Variants in SLC9B2 observed in about 807,000 individuals in gnomAD.
The protein encoded by SLC9B2 is sodium/hydrogen exchanger 9B2.
Under a neutral mutation model 52.2 loss-of-function variants are expected in SLC9B2, and 39 were observed. The observed-to-expected ratio is 0.75, with a 90% CI of 0.58 to 0.98. The LOEUF (loss-of-function observed/expected upper bound fraction) is 0.98, where lower values mean the gene tolerates loss of function less well. Among genes scored for constraint, SLC9B2 ranks in the 50% least tolerant of loss-of-function variants. The pLI, the probability that SLC9B2 is intolerant of heterozygous loss-of-function variation, is 0.00. For missense variants in SLC9B2, 626 were observed against 637.5 expected, an observed-to-expected ratio of 0.98 and a Z score of 0.19; for synonymous variants, 214 against 227.0, an observed-to-expected ratio of 0.94 and a Z score of 0.51.
intron 9 of SLC9B2, among the ~76,000 whole-genome samples, chr4:103,032,660 G>C (rs1242874248): frequency 6.6e-6 from 1 of 152,134 alleles, no homozygotes; most frequent in African/African-American, 2.4e-5. Flanking sequence ...GGCTTCTCCA[G>C]TATCAGGGTC....
intron 1 of SLC9B2, among the ~76,000 whole-genome samples, chr4:103,073,127 C>T (rs1244190798): frequency 6.6e-6 from 1 of 152,092 alleles, no homozygotes; most frequent in Non-Finnish European, 1.5e-5. Flanking sequence ...GACTTCCCAG[C>T]CTCCAGAACT....
intron 7 of SLC9B2, among the ~76,000 whole-genome samples, chr4:103,045,438 T>C (rs1215149318): frequency 6.6e-6 from 1 of 152,154 alleles, no homozygotes; most frequent in Non-Finnish European, 1.5e-5. Flanking sequence ...AGTAGCATTA[T>C]GCTTAAGCTA....
At chr4:103,044,140 C>A (rs754885777) in intron 8 of SLC9B2, among the ~76,000 whole-genome samples, 1 of 152,188 alleles carries the variant, frequency 6.6e-6, no homozygotes, top group African/African-American at 2.4e-5. Flanking sequence ...AGGTGAATTA[C>A]CTGAGTTCAT....
At position 103,022,940 on chromosome 4, in the gene SLC9B2, G is replaced by A. The variant is rs547900648; in HGVS notation, c.*3430C>T. On this transcript the variant is annotated 3_prime_UTR_variant, in exon 12 of 12. Transcript: ENST00000394785. ...AGTGATGACACATGAGTGAGAGGGT[G>A]AGAATGTGGCCATTGGCAAGCCAGG... Among the ~76,000 whole-genome samples the A allele has an allele frequency of 6.6e-6, 1 of 152,320 alleles. No homozygotes were observed. Among genetic ancestry groups the A allele is most frequent in the African/African-American group, 2.4e-5 (1 of 41,574 alleles).
chr4:103,041,075 T>C (rs1307443777), intron 9 of SLC9B2, among the ~76,000 whole-genome samples: 2 of 152,226 alleles, frequency 1.3e-5, no homozygotes, highest in African/African-American at 2.4e-5. Context: ...TCTGGTAATA[T>C]GTGTCGAAAA....
chr4:103,035,063 C>G (rs546971616), intron 9 of SLC9B2, among the ~76,000 whole-genome samples: 7 of 152,042 alleles, frequency 4.6e-5, no homozygotes, highest in Non-Finnish European at 1.0e-4. Flanking sequence ...GTTTGTTGTA[C>G]AGATTATTTC....
intron 8 of SLC9B2, among the ~76,000 whole-genome samples, chr4:103,043,776 T>C (rs988381109): frequency 2.0e-5 from 3 of 152,198 alleles, no homozygotes; most frequent in Non-Finnish European, 4.4e-5. Context: ...TTTTTATACA[T>C]TGTTGGTGTA....
intron 10 of SLC9B2, 121 bp downstream of exon 10, chr4:103,031,579 A>T (rs1359762904): frequency 3.3e-6 from 2 of 611,688 alleles, no homozygotes; most frequent in African/African-American, 3.7e-5. Context: ...TTGTGACAAT[A>T]GTAACCACTG....
downstream of SLC9B2, among the ~76,000 whole-genome samples, chr4:103,021,145 G>T (rs1031887120): frequency 7.3e-6 from 1 of 137,870 alleles, no homozygotes; most frequent in African/African-American, 2.7e-5. Flanking sequence ...GTAAACCTGG[G>T]AAGGAAGACC....
chr4:103,044,948 C>G lies in SLC9B2; in HGVS notation c.938G>C (p.Gly313Ala), dbSNP rs1342742880. Residue 313 changes from glycine (G) to alanine (A), a missense_variant, in exon 8 of 12, where the codon GGT becomes GCT. Physicochemically the swap from Gly to Ala is moderately conservative, Grantham distance 60. Transcript: ENST00000394785. ...VLRGVLEVVI[G>A]VATGSVLGFF... ...TCCAAGAACAGATCCAGTTGCCACA[C>G]CAATTACCACCTCCAAAACTCCTCT... 1 of 1,613,716 alleles carries G rather than the reference C, an allele frequency of 6.2e-7. No individual in the cohort carries two copies. The highest frequency in any genetic ancestry group is 1.3e-5 in the African/African-American group (1 of 74,864).
chr4:103,033,913 A>G (rs1742922643), intron 9 of SLC9B2, among the ~76,000 whole-genome samples: 1 of 152,228 alleles, frequency 6.6e-6, no homozygotes, highest in Admixed American at 6.6e-5. Context: ...TGATATTCCT[A>G]TCAAACTACC....
At chr4:103,072,255 C>T (rs1015848960) in intron 1 of SLC9B2, among the ~76,000 whole-genome samples, 18 of 152,062 alleles carry the variant, frequency 1.2e-4, no homozygotes, top group African/African-American at 4.3e-4. Flanking sequence ...GATGGGGTTT[C>T]ACCATGTTGG....
At chr4:103,058,935 T>A (rs200265986) in intron 3 of SLC9B2, among the ~76,000 whole-genome samples, 1 of 151,974 alleles carries the variant, frequency 6.6e-6, no homozygotes, top group African/African-American at 2.4e-5. Context: ...GGTATGGTGG[T>A]GGGCATCTGT....
chr4:103,034,921 A>G (rs1743028409), intron 9 of SLC9B2, among the ~76,000 whole-genome samples: 1 of 152,026 alleles, frequency 6.6e-6, no homozygotes, highest in African/African-American at 2.4e-5. Flanking sequence ...TGTGGAAGTA[A>G]ACTGCGTGAC....
At chr4:103,071,903 A>G (rs990656557) in intron 1 of SLC9B2, among the ~76,000 whole-genome samples, 2 of 152,168 alleles carry the variant, frequency 1.3e-5, no homozygotes, top group Admixed American at 6.5e-5. Flanking sequence ...TATTTCTCAT[A>G]GATACAGTCT....
At chr4:103,053,553 G>A (rs1446818245) in intron 4 of SLC9B2, among the ~76,000 whole-genome samples, 5 of 152,182 alleles carry the variant, frequency 3.3e-5, no homozygotes, top group Admixed American at 2.6e-4. Flanking sequence ...CAAATGGGGT[G>A]TAATGGGCAT....
At chr4:103,020,418 G>A (rs1741703251), downstream of SLC9B2, 1 of 417,220 alleles carries the variant, frequency 2.4e-6, no homozygotes, top group African/African-American at 2.1e-5. Context: ...ACTGTTATTG[G>A]AGAAAGTGTA....
chr4:103,037,134 G>A (rs773338834), intron 9 of SLC9B2, among the ~76,000 whole-genome samples: 3 of 152,280 alleles, frequency 2.0e-5, no homozygotes, highest in South Asian at 4.1e-4. Context: ...CCTGTGATGG[G>A]ATGGCATCCT....
At chr4:103,069,372 C>G (rs1218881771) in intron 1 of SLC9B2, among the ~76,000 whole-genome samples, 3 of 152,206 alleles carry the variant, frequency 2.0e-5, no homozygotes, top group African/African-American at 7.2e-5. Context: ...TGGTAACTGA[C>G]AAGATGGGCT....
Sources: gnomAD v4.1 joint callset for allele counts (sites outside exome capture counted in the v4.1 genomes callset) on GRCh38, gnomAD v4.1.1 for gene constraint, MANE v1.5 for transcripts, NCBI Gene and HGNC (gene_info 2026-07-23, HGNC 2026-07-21) for gene names.